PUDP: variants seen among roughly 807,000 people sequenced by gnomAD.
The protein encoded by PUDP is pseudouridine-5'-phosphatase.
Under a neutral mutation model 9.4 loss-of-function variants are expected in PUDP, and 8 were observed. The ratio of observed to expected loss-of-function variants is 0.85; its 90% CI spans 0.50 to 1.53. The LOEUF is 1.53. Among genes scored for constraint, PUDP ranks in the 40% most tolerant of loss-of-function variants. The pLI is 0.00. For synonymous variants in PUDP, 99 were observed against 80.7 expected (o/e 1.23, Z -1.22); for missense variants, 188 against 189.7 (o/e 0.99, Z 0.05).
At chrX:6,767,453 C>A (rs192247797) in intron 3 of PUDP, among the ~76,000 whole-genome samples, 11 of 112,520 alleles carry the variant, frequency 9.8e-5, no homozygotes, top group African/African-American at 3.5e-4. Flanking sequence ...TAGTCGCTGG[C>A]GAATGTGGAA....
intron 2 of PUDP, among the ~76,000 whole-genome samples, chrX:7,086,471 T>C (rs111744522): frequency 8.0e-5 from 9 of 112,411 alleles, no homozygotes; most frequent in African/African-American, 2.9e-4. Flanking sequence ...CAAACACTAC[T>C]GTGCGCTTTT....
At chrX:6,857,951 G>A (rs1458306856) in intron 3 of PUDP, among the ~76,000 whole-genome samples, 1 of 111,729 alleles carries the variant, frequency 9.0e-6, no homozygotes, top group Non-Finnish European at 1.9e-5. Context: ...AGAGAATTGT[G>A]TCTTCCTTAT....
At chrX:6,986,672 G>C (rs1929107367) in intron 1 of PUDP, among the ~76,000 whole-genome samples, 2 of 111,637 alleles carry the variant, frequency 1.8e-5, no homozygotes, top group African/African-American at 6.5e-5. Flanking sequence ...ATGAACCTTT[G>C]ATTTTTGCTA....
intron 3 of PUDP, among the ~76,000 whole-genome samples, chrX:6,854,614 A>G (rs1359099768): frequency 8.9e-6 from 1 of 112,247 alleles, no homozygotes; most frequent in African/African-American, 3.2e-5. Flanking sequence ...ATGGCCAATT[A>G]ACATATATTT....
chrX:7,059,149 G>C (rs1169785006), intron 3 of PUDP, among the ~76,000 whole-genome samples: 2 of 111,539 alleles, frequency 1.8e-5, no homozygotes, highest in Admixed American at 9.5e-5. Flanking sequence ...GACTTGGTTG[G>C]GGGGTGGGCA....
intron 1 of PUDP, among the ~76,000 whole-genome samples, chrX:7,118,163 A>G (rs754875264): frequency 5.3e-5 from 6 of 112,430 alleles, no homozygotes; most frequent in Non-Finnish European, 1.9e-5. Flanking sequence ...CCTTTGCTCT[A>G]TTCTCAAGGC....
intron 1 of PUDP, among the ~76,000 whole-genome samples, chrX:6,995,353 A>G (rs1480805111): frequency 1.8e-5 from 2 of 111,983 alleles, no homozygotes; most frequent in East Asian, 5.6e-4. Context: ...GTCAACCAAA[A>G]TATCGAAAGC....
chrX:7,016,554 C>A (rs1929551928), intron 1 of PUDP, among the ~76,000 whole-genome samples: 1 of 110,910 alleles, frequency 9.0e-6, no homozygotes, highest in Non-Finnish European at 1.9e-5. Context: ...CAATCTGAGA[C>A]CCTTCCTGAA....
intron 3 of PUDP, among the ~76,000 whole-genome samples, chrX:7,072,810 T>C (rs1930778154): frequency 1.1e-5 from 1 of 89,455 alleles, no homozygotes; most frequent in Non-Finnish European, 2.2e-5. Context: ...CAAGACTGTG[T>C]CTCAAAAAAA....
At position 6,810,447 on chromosome X, in the gene PUDP, C is replaced by T. The variant is rs1298075521; in HGVS notation, c.*248-103981G>A. ...TATTTGGAAACTCCACCATGTGTTA[C>T]GATGCCTCCAATATGGTGAGTGGAG... On this transcript the variant is annotated intron_variant and NMD_transcript_variant, in intron 3 of 3. Transcript: ENST00000655425. 2.7e-5 allele frequency among the ~76,000 whole-genome samples: 3 copies of T among 111,661 alleles called. No homozygotes were observed. In the Admixed American group the frequency reaches 2.9e-4, roughly 11 times the overall value.
Position 7,049,093 on chromosome X carries a change from CACAG to C in PUDP, c.*1199_*1202del, listed in dbSNP as rs1930024907. ...CAATCAATAGCCAGGGCCTGTCATT[CACAG>C]ACAATCACTCCACCACACGCACACA... is the stretch of plus-strand genomic sequence containing the variant. On this transcript the variant is annotated 3_prime_UTR_variant, in exon 4 of 4. Transcript: ENST00000381077. 3.6e-5 allele frequency: 4 copies of C among 111,806 alleles called. 1 individual carries two copies. The highest frequency in any genetic ancestry group is 9.5e-5 in the Admixed American group (1 of 10,517). The allele number at this position is 111,806 out of a possible 1,213,427, so 9.2% of individuals were successfully genotyped here.
chrX:7,018,489 C>G (rs868420596), intron 1 of PUDP, among the ~76,000 whole-genome samples: 3 of 112,098 alleles, frequency 2.7e-5, no homozygotes, highest in Middle Eastern at 4.6e-3. Context: ...GTTTTGATAT[C>G]TTAATGCACT....
intron 1 of PUDP, among the ~76,000 whole-genome samples, chrX:7,037,616 T>C (rs902443441): frequency 2.7e-5 from 3 of 112,392 alleles, no homozygotes; most frequent in Non-Finnish European, 5.6e-5. Flanking sequence ...GCTATCTTCC[T>C]GCATCTACTG....
At chrX:7,143,788 T>C (rs1196949359) in intron 1 of PUDP, among the ~76,000 whole-genome samples, 2 of 112,209 alleles carry the variant, frequency 1.8e-5, no homozygotes, top group Non-Finnish European at 1.9e-5. Context: ...GATTACTCAT[T>C]GATCACCCTG....
intron 3 of PUDP, among the ~76,000 whole-genome samples, chrX:6,901,955 C>T (rs1927694952): frequency 9.0e-6 from 1 of 110,889 alleles, no homozygotes; most frequent in South Asian, 3.9e-4. Flanking sequence ...CTCACCGCAG[C>T]CAAAAACTCC....
intron 1 of PUDP, among the ~76,000 whole-genome samples, chrX:7,140,145 T>C (rs750035399): frequency 1.2e-4 from 14 of 112,396 alleles, no homozygotes; most frequent in Non-Finnish European, 2.6e-4. Flanking sequence ...TTAGGATTAC[T>C]ATGTCTTCAA....
At chrX:7,100,636 TC>T (rs1931702852) in intron 2 of PUDP, among the ~76,000 whole-genome samples, 1 of 111,916 alleles carries the variant, frequency 8.9e-6, no homozygotes, top group Non-Finnish European at 1.9e-5. Flanking sequence ...CTGAATCTAG[TC>T]ACCAGAGCAA....
In PUDP at chrX:7,077,469, G is replaced by A. The variant is rs185643824; in HGVS notation, c.281-20C>T. The A allele has an allele frequency of 1.3e-4, 155 of 1,165,483 alleles. 1 individual carries two copies. The East Asian group carries it at 4.6e-3, about 34-fold the overall frequency. ...CCGCCCCTGGGGAGGAGGAGGGAAGGACTGAGGTGAGGGGCGAGGCCTCCA... is the reference window on the plus strand; with the variant it reads ...CCGCCCCTGGGGAGGAGGAGGGAAGAACTGAGGTGAGGGGCGAGGCCTCCA... On this transcript the variant is annotated intron_variant, in intron 2 of 3. Coordinates refer to ENST00000381077, the MANE Select transcript of PUDP (RefSeq NM_012080.5).
At chrX:7,005,370 GTAT>G (rs1171306599) in intron 1 of PUDP, among the ~76,000 whole-genome samples, 7 of 110,169 alleles carry the variant, frequency 6.4e-5, no homozygotes, top group Non-Finnish European at 1.9e-5. Context: ...TTTAATGGTG[GTAT>G]TATAAAATAC....
Sources: allele counts gnomAD v4.1 joint callset (sites outside exome capture counted in the v4.1 genomes callset), GRCh38; gene constraint gnomAD v4.1.1; transcripts MANE v1.5; gene names NCBI Gene and HGNC (gene_info 2026-07-23, HGNC 2026-07-21).